The following L3MBTL4 variants were observed in gnomAD, a reference collection of about 807,000 sequenced individuals.
L3MBTL4 encodes lethal(3)malignant brain tumor-like protein 4.
A neutral mutation model predicts 84.5 loss-of-function variants in L3MBTL4; 70 were observed. The ratio of observed to expected loss-of-function variants is 0.83; its 90% CI spans 0.68 to 1.01. The LOEUF (loss-of-function observed/expected upper bound fraction) is 1.01. Ranked by LOEUF, L3MBTL4 falls within the 50% of genes least tolerant of loss-of-function variation. The pLI is 0.00. For missense variants in L3MBTL4, 715 were observed against 754.8 expected (o/e 0.95, Z 0.62); for synonymous variants, 274 against 259.8 (o/e 1.05, Z -0.52).
chr18:5,986,096 T>G (rs991179328), intron 16 of L3MBTL4, among the ~76,000 whole-genome samples: 1 of 152,104 alleles, frequency 6.6e-6, no homozygotes, highest in Non-Finnish European at 1.5e-5. Flanking sequence ...GAGCAGCTGA[T>G]TTACCTGAGA....
chr18:6,133,543 C>T (rs1242509402), intron 14 of L3MBTL4, among the ~76,000 whole-genome samples: 1 of 152,026 alleles, frequency 6.6e-6, no homozygotes, highest in Non-Finnish European at 1.5e-5. Flanking sequence ...TTCCTGGTTT[C>T]CTCCTCCCCT....
At chr18:6,344,408 A>G (rs77891677) in intron 1 of L3MBTL4, among the ~76,000 whole-genome samples, 6,772 of 152,286 alleles carry the variant, frequency 0.044, 425 homozygotes, top group African/African-American at 0.14. Flanking sequence ...AAACTTCCCA[A>G]TAAAGAAAGC....
chr18:6,227,570 C>G (rs761261447), intron 10 of L3MBTL4, among the ~76,000 whole-genome samples: 1 of 152,094 alleles, frequency 6.6e-6, no homozygotes, highest in Non-Finnish European at 1.5e-5. Flanking sequence ...AATTTTAAAC[C>G]TGCTGTTCCA....
At chr18:6,153,228 A>G (rs1490027669) in intron 13 of L3MBTL4, among the ~76,000 whole-genome samples, 2 of 152,158 alleles carry the variant, frequency 1.3e-5, no homozygotes, top group Non-Finnish European at 2.9e-5. Flanking sequence ...TTGTAGCTCC[A>G]TGAGACAGTT....
At chr18:6,178,242 G>A (rs890273291) in intron 12 of L3MBTL4, among the ~76,000 whole-genome samples, 13 of 152,030 alleles carry the variant, frequency 8.6e-5, no homozygotes, top group African/African-American at 3.1e-4. Flanking sequence ...TGAAACCATG[G>A]AAATTAAAAA....
intron 16 of L3MBTL4, among the ~76,000 whole-genome samples, chr18:6,065,109 T>C (rs1002936714): frequency 1.3e-5 from 2 of 152,108 alleles, no homozygotes; most frequent in Non-Finnish European, 2.9e-5. Flanking sequence ...GAGATGATCA[T>C]ATGGTTTTTG....
At chr18:6,345,221 AAAAAAAAAAAAAAAAG>A (rs1465003300) in intron 1 of L3MBTL4, among the ~76,000 whole-genome samples, 1 of 133,368 alleles carries the variant, frequency 7.5e-6, no homozygotes, top group African/African-American at 3.4e-5. Flanking sequence ...AATACAAAAA[AAAAAAAAAAAAAAAAG>A]AAAAAAAAAA....
intron 4 of L3MBTL4, among the ~76,000 whole-genome samples, chr18:6,299,200 G>C (rs2050229678): frequency 1.3e-5 from 2 of 152,174 alleles, no homozygotes; most frequent in African/African-American, 4.8e-5. Flanking sequence ...TTATCTCAGA[G>C]AGTTTCCAAA....
chr18:6,237,445 C>CTTTTT lies in L3MBTL4; in HGVS notation c.784+514_784+518dup, dbSNP rs1173599586. On this transcript the variant is annotated intron_variant, in intron 10 of 18. Coordinates refer to ENST00000317931, the MANE Select transcript of L3MBTL4 (RefSeq NM_001330559.2). ...TTGTTTCAATGGCTGCCTAGTACAT[C>CTTTTT]TTTTTTTTTTTTTTTTTTTTTTTTT... Among the ~76,000 whole-genome samples, 15 of 88,916 alleles carry CTTTTT rather than the reference C, an allele frequency of 1.7e-4. 1 individual carries two copies. Among genetic ancestry groups the CTTTTT allele is most frequent in the East Asian group, 7.5e-4 (2 of 2,684 alleles). The allele number at this position is 88,916 out of a possible 152,430, so 58.3% of individuals were successfully genotyped here.
chr18:6,051,256 A>C (rs2056828010), intron 16 of L3MBTL4, among the ~76,000 whole-genome samples: 1 of 152,192 alleles, frequency 6.6e-6, no homozygotes, highest in South Asian at 2.1e-4. Context: ...ATAAGGCAGC[A>C]GGCCGGGCGC....
chr18:6,148,909 G>A (rs1340691783), intron 13 of L3MBTL4, among the ~76,000 whole-genome samples: 2 of 151,978 alleles, frequency 1.3e-5, no homozygotes, highest in Admixed American at 1.3e-4. Context: ...TATTTCACTA[G>A]ATAGCCCTGT....
intron 12 of L3MBTL4, among the ~76,000 whole-genome samples, chr18:6,210,295 T>C (rs933286286): frequency 6.6e-6 from 1 of 152,138 alleles, no homozygotes; most frequent in African/African-American, 2.4e-5. Context: ...GGACAGACAA[T>C]GTGGGCTTGG....
intron 10 of L3MBTL4, among the ~76,000 whole-genome samples, chr18:6,236,626 CATCTT>C (rs967842841): frequency 2.0e-5 from 3 of 152,188 alleles, no homozygotes; most frequent in Non-Finnish European, 4.4e-5. Flanking sequence ...CATTTCATCT[CATCTT>C]AAGGAACATC....
chr18:6,406,800 T>C (rs1012598494), intron 1 of L3MBTL4, among the ~76,000 whole-genome samples: 1 of 152,142 alleles, frequency 6.6e-6, no homozygotes, highest in African/African-American at 2.4e-5. Flanking sequence ...CAAAAAATGC[T>C]GAATCCAAAT....
In L3MBTL4 at chr18:6,158,438, T is replaced by C. The variant is rs987732779; in HGVS notation, c.1096+13390A>G. On this transcript the variant is annotated intron_variant, in intron 13 of 18. Coordinates refer to ENST00000317931, the MANE Select transcript of L3MBTL4 (RefSeq NM_001330559.2). ...CTGAACAGAGAAGACAGCATATATATACAAAGGCCTTAGGGTGGAAAGAGT... is the reference window on the plus strand; with the variant it reads ...CTGAACAGAGAAGACAGCATATATACACAAAGGCCTTAGGGTGGAAAGAGT... Among the ~76,000 whole-genome samples the C allele has an allele frequency of 5.3e-5, 8 of 152,066 alleles. No individual in the cohort carries two copies. In the East Asian group the frequency reaches 9.7e-4, roughly 18 times the overall value.
intron 5 of L3MBTL4, among the ~76,000 whole-genome samples, chr18:6,252,214 G>A (rs1429305043): frequency 1.3e-5 from 2 of 152,152 alleles, no homozygotes; most frequent in Non-Finnish European, 2.9e-5. Context: ...TTGGGAGGCT[G>A]AGGCAGGAGA....
intron 4 of L3MBTL4, among the ~76,000 whole-genome samples, chr18:6,271,506 A>T (rs2048867423): frequency 6.6e-6 from 1 of 152,232 alleles, no homozygotes; most frequent in Non-Finnish European, 1.5e-5. Context: ...GGCAGGGCCG[A>T]AAAGGTGGAG....
intron 13 of L3MBTL4, among the ~76,000 whole-genome samples, chr18:6,143,442 AG>A (rs1203461633): frequency 6.6e-6 from 1 of 152,218 alleles, no homozygotes; most frequent in Non-Finnish European, 1.5e-5. Context: ...GAAGTATAAT[AG>A]GTTGAATCAA....
intron 16 of L3MBTL4, 106 bp downstream of exon 16, chr18:6,080,775 T>C: frequency 1.2e-6 from 1 of 811,980 alleles, no homozygotes; most frequent in Non-Finnish European, 1.9e-6. Flanking sequence ...AGTTAGGCTC[T>C]TTCTACCATT....
Sources: allele counts gnomAD v4.1 joint callset (sites outside exome capture counted in the v4.1 genomes callset), GRCh38; gene constraint gnomAD v4.1.1; transcripts MANE v1.5; gene names NCBI Gene and HGNC (gene_info 2026-07-23, HGNC 2026-07-21).